DNAAF9: variants seen among roughly 807,000 people sequenced by gnomAD.
The protein encoded by DNAAF9 is dynein axonemal assembly factor 9.
In DNAAF9, 90 loss-of-function variants were observed where a neutral mutation model predicts 167.0. That is an observed-to-expected ratio of 0.54 (90% confidence interval 0.45 to 0.64). The LOEUF (loss-of-function observed/expected upper bound fraction) is 0.64, where lower values mean the gene tolerates loss of function less well. DNAAF9 is among the 30% of genes least tolerant of loss of function. The pLI, the probability that DNAAF9 is intolerant of heterozygous loss-of-function variation, is 0.00. For synonymous variants in DNAAF9, 491 were observed against 508.8 expected (o/e 0.96, Z 0.47); for missense variants, 1,315 against 1,442.2 (o/e 0.91, Z 1.43).
intron 20 of DNAAF9, among the ~76,000 whole-genome samples, chr20:3,311,289 T>C (rs993293671): frequency 6.7e-6 from 1 of 150,234 alleles, no homozygotes; most frequent in African/African-American, 2.4e-5. Context: ...TACAGGAATA[T>C]GCCACCATGC....
chr20:3,296,824 T>C (rs1188745115), intron 23 of DNAAF9, 37 bp downstream of exon 23: 7 of 1,358,160 alleles, frequency 5.2e-6, no homozygotes, highest in Non-Finnish European at 6.3e-6. Context: ...CCACAAAGCC[T>C]AGGGAAGCAA....
chr20:3,356,146 T>C (rs1461681769), intron 7 of DNAAF9, among the ~76,000 whole-genome samples: 1 of 152,198 alleles, frequency 6.6e-6, no homozygotes, highest in Non-Finnish European at 1.5e-5. Flanking sequence ...GCCTCCCAAG[T>C]AGCTGGGATT....
chr20:3,316,881 G>C (rs1281850806), intron 17 of DNAAF9, 88 bp from the exon 18 acceptor site: 6 of 597,876 alleles, frequency 1.0e-5, no homozygotes, highest in Non-Finnish European at 1.5e-5. Flanking sequence ...CTTCTCAGGA[G>C]CTAGGGTTCT....
chr20:3,311,567 C>A (rs1187845626), intron 20 of DNAAF9, among the ~76,000 whole-genome samples: 1 of 152,066 alleles, frequency 6.6e-6, no homozygotes, highest in South Asian at 2.1e-4. Context: ...CTATAACTCA[C>A]ATGTCCACAA....
chr20:3,285,618 G>T (rs989493820), intron 27 of DNAAF9, among the ~76,000 whole-genome samples: 2 of 151,276 alleles, frequency 1.3e-5, no homozygotes, highest in Non-Finnish European at 2.9e-5. Flanking sequence ...GGCGGAGGTT[G>T]CAGTGAGCCG....
chr20:3,357,888 T>G (rs1283465165), intron 7 of DNAAF9, among the ~76,000 whole-genome samples: 1 of 151,954 alleles, frequency 6.6e-6, no homozygotes, highest in African/African-American at 2.4e-5. Flanking sequence ...TGCACGCCTG[T>G]AGTCCCAGCT....
intron 27 of DNAAF9, among the ~76,000 whole-genome samples, chr20:3,286,050 G>A (rs1380335200): frequency 6.6e-6 from 1 of 152,130 alleles, no homozygotes; most frequent in Non-Finnish European, 1.5e-5. Flanking sequence ...AATATGAGAA[G>A]CATCTGGGAT....
intron 3 of DNAAF9, among the ~76,000 whole-genome samples, chr20:3,378,304 G>A (rs1339329837): frequency 6.6e-6 from 1 of 152,164 alleles, no homozygotes; most frequent in Non-Finnish European, 1.5e-5. Flanking sequence ...CAGGCCCAAC[G>A]ATACTGCTTG....
intron 6 of DNAAF9, among the ~76,000 whole-genome samples, chr20:3,367,881 G>A (rs534085477): frequency 6.7e-6 from 1 of 150,236 alleles, no homozygotes; most frequent in Admixed American, 6.7e-5. Flanking sequence ...CAGGCTTGCT[G>A]GATGCAGGCT....
intron 6 of DNAAF9, chr20:3,361,844 G>C (rs563702457): frequency 1.7e-5 from 24 of 1,446,744 alleles, no homozygotes; most frequent in African/African-American, 1.3e-4. Flanking sequence ...TCGAATGTTG[G>C]GGGGAAGGGG....
intron 10 of DNAAF9, among the ~76,000 whole-genome samples, chr20:3,332,638 AT>A (rs2069852939): frequency 7.4e-6 from 1 of 135,214 alleles, no homozygotes; most frequent in Non-Finnish European, 1.6e-5. Flanking sequence ...TTTTTTTTGT[AT>A]TTTTAGTAGA....
intron 25 of DNAAF9, among the ~76,000 whole-genome samples, chr20:3,292,356 A>G (rs2068972946): frequency 6.6e-6 from 1 of 151,882 alleles, no homozygotes; most frequent in Admixed American, 6.6e-5. Flanking sequence ...GATGCTTTAC[A>G]CTCTTGCCTA....
At chr20:3,376,462 A>G (rs1467539684) in intron 3 of DNAAF9, among the ~76,000 whole-genome samples, 160 bp from the exon 4 acceptor site, 2 of 152,252 alleles carry the variant, frequency 1.3e-5, no homozygotes, top group Non-Finnish European at 2.9e-5. Flanking sequence ...CTTGTAAACC[A>G]AAAAGTATCT....
Position 3,296,641 on chromosome 20 carries a change from A to G in DNAAF9, c.2018+220T>C, listed in dbSNP as rs550766910. 3 of 513,926 alleles carry G rather than the reference A, an allele frequency of 5.8e-6. 1 individual carries two copies. The highest frequency in any genetic ancestry group is 6.3e-5 in the South Asian group (2 of 31,584). 31.8% of individuals were successfully genotyped at this position (513,926 alleles called of 1,614,324 possible). A position where few individuals can be genotyped will look rare whatever the true frequency, so the allele number is the denominator to read the frequency against. On this transcript the variant is annotated intron_variant, in intron 23 of 36. Transcript: ENST00000252032. Reference sequence around the variant, plus strand: ...ATTCATCCTCCTGCCTCAGCCTCCCAAAGTGTTGGGATTACAAGTGTGAGG... The same window carrying G: ...ATTCATCCTCCTGCCTCAGCCTCCCGAAGTGTTGGGATTACAAGTGTGAGG...
rs575375233 is a variant in DNAAF9, at chr20:3,346,666, G to C, written c.789+1859C>G. On this transcript the variant is annotated intron_variant, in intron 8 of 36. Coordinates refer to ENST00000252032, the MANE Select transcript of DNAAF9 (RefSeq NM_001009984.3). ...TCATTTGTGCAAATGAAATAGAAAA[G>C]GTAAATGAGAAACTCAAGAGGTTTG... Among the ~76,000 whole-genome samples, 204 of 152,232 alleles carry C rather than the reference G, an allele frequency of 1.3e-3. 1 individual carries two copies. In the Middle Eastern group the frequency reaches 0.017, roughly 13 times the overall value.
In DNAAF9 at chr20:3,270,460, G is replaced by A; in HGVS notation, c.2753C>T (p.Ala918Val). The A allele has an allele frequency of 2.5e-6, 4 of 1,613,886 alleles. No individual in the cohort carries two copies. The highest frequency in any genetic ancestry group is 3.4e-6 in the Non-Finnish European group (4 of 1,179,842). ...SLIRAANPAAAFILAENGIVT... is the reference protein window; with the variant it reads ...SLIRAANPAAVFILAENGIVT... ...AATCCCATTTTCTGCAAGAATGAAG[G>A]CTGCAGCAGGATTGGCAGCCCTGAT... is the stretch of plus-strand genomic sequence containing the variant. Residue 918 changes from alanine (A) to valine (V), a missense_variant, in exon 30 of 37, where the codon GCC (alanine) becomes GTC (valine). Coordinates refer to ENST00000252032, the MANE Select transcript of DNAAF9 (RefSeq NM_001009984.3).
At chr20:3,378,334 TGTGTGCA>T (rs1230212864) in intron 3 of DNAAF9, among the ~76,000 whole-genome samples, 1 of 152,190 alleles carries the variant, frequency 6.6e-6, no homozygotes, top group African/African-American at 2.4e-5. Context: ...GAAGAGTTAT[TGTGTGCA>T]GTGGTGAGCT....
At chr20:3,381,840 T>C (rs531181833) in intron 2 of DNAAF9, among the ~76,000 whole-genome samples, 1 of 152,234 alleles carries the variant, frequency 6.6e-6, no homozygotes, top group South Asian at 2.1e-4. Context: ...ACCAAAACAC[T>C]TGGGATCAAA....
At chr20:3,389,544 A>C (rs539251943) in intron 1 of DNAAF9, among the ~76,000 whole-genome samples, 1 of 151,900 alleles carries the variant, frequency 6.6e-6, no homozygotes, top group South Asian at 2.1e-4. Flanking sequence ...AGGTGGGAGG[A>C]TCAACTGAGG....
Sources: gnomAD v4.1 joint callset for allele counts (sites outside exome capture counted in the v4.1 genomes callset) on GRCh38, gnomAD v4.1.1 for gene constraint, MANE v1.5 for transcripts, NCBI Gene and HGNC (gene_info 2026-07-23, HGNC 2026-07-21) for gene names.